SLC28A1: variants seen among roughly 807,000 people sequenced by gnomAD.
SLC28A1 encodes solute carrier family 28 member 1, also known as sodium/nucleoside cotransporter 1.
A neutral mutation model predicts 74.8 loss-of-function variants in SLC28A1; 64 were observed. That is an observed-to-expected ratio of 0.86 (90% confidence interval 0.70 to 1.05). SLC28A1 has a LOEUF of 1.05. Among genes scored for constraint, SLC28A1 ranks in the 50% least tolerant of loss-of-function variants. SLC28A1 has a pLI of 0.00. For synonymous variants in SLC28A1, 359 were observed against 335.0 expected (o/e 1.07, Z -0.78); for missense variants, 828 against 822.8 (o/e 1.01, Z -0.08).
chr15:84,955,449 A>G, the SLC28A1 span, among the ~76,000 whole-genome samples: 2 of 152,340 alleles, frequency 1.3e-5, no homozygotes, highest in East Asian at 3.9e-4. Context: ...GTAAAGTAGC[A>G]AAGTCATGAT....
chr15:84,904,681 A>C (rs960043668), intron 7 of SLC28A1, among the ~76,000 whole-genome samples: 1 of 152,194 alleles, frequency 6.6e-6, no homozygotes, highest in Non-Finnish European at 1.5e-5. Context: ...ACTTGCCAGA[A>C]ATGTAACTTC....
the SLC28A1 span, among the ~76,000 whole-genome samples, chr15:84,966,897 G>C: frequency 2.0e-5 from 3 of 152,108 alleles, no homozygotes; most frequent in African/African-American, 7.2e-5. Context: ...TCAACCTCTT[G>C]AGCACCTGGG....
intron 5 of SLC28A1, among the ~76,000 whole-genome samples, chr15:84,893,543 C>A (rs1253344992): frequency 6.9e-6 from 1 of 145,626 alleles, no homozygotes; most frequent in Non-Finnish European, 1.5e-5. Context: ...TTTGGAACCT[C>A]CCTTCATCCC....
chr15:84,913,854 A>ATTCG (rs1555449396), intron 9 of SLC28A1, among the ~76,000 whole-genome samples: 2 of 48,418 alleles, frequency 4.1e-5, no homozygotes, highest in East Asian at 2.1e-3. Flanking sequence ...GCAAGGTTGA[A>ATTCG]TTCTGTTGAG....
intron 6 of SLC28A1, among the ~76,000 whole-genome samples, chr15:84,898,440 G>A (rs554198239): frequency 1.6e-4 from 25 of 152,154 alleles, no homozygotes; most frequent in Non-Finnish European, 2.8e-4. Flanking sequence ...TTAGCCAGGC[G>A]TGGTGGCGGG....
intron 6 of SLC28A1, chr15:84,895,676 C>T: frequency 1.4e-6 from 2 of 1,409,796 alleles, no homozygotes; most frequent in South Asian, 1.6e-5. Flanking sequence ...AGACTTCCCG[C>T]CCAGCCCACC....
At chr15:84,961,913 A>G in the SLC28A1 span, among the ~76,000 whole-genome samples, 1 of 152,096 alleles carries the variant, frequency 6.6e-6, no homozygotes, top group African/African-American at 2.4e-5. Context: ...CCCTGTGCTC[A>G]TTTGGTTTAC....
At chr15:84,934,038 A>C (rs1288827405) in intron 13 of SLC28A1, among the ~76,000 whole-genome samples, 1 of 152,146 alleles carries the variant, frequency 6.6e-6, no homozygotes, top group Admixed American at 6.5e-5. Context: ...TTAATCCAAC[A>C]TTCAGGAATG....
At chr15:84,935,276 G>A (rs372756271) in intron 14 of SLC28A1, 45 bp from the exon 15 acceptor site, 1 of 1,612,412 alleles carries the variant, frequency 6.2e-7, no homozygotes, top group Non-Finnish European at 8.5e-7. Flanking sequence ...ACCTAGCAGA[G>A]CCCAGGCCCA....
At chr15:84,926,809 G>GGGGGGGT (rs1970575066) in intron 12 of SLC28A1, among the ~76,000 whole-genome samples, 1 of 140,898 alleles carries the variant, frequency 7.1e-6, no homozygotes, top group African/African-American at 2.6e-5. Flanking sequence ...GGGAGGGGGG[G>GGGGGGGT]GGTGGTGGTA....
Position 84,898,723 on chromosome 15 carries a change from G to A in SLC28A1, c.461+3600G>A, listed in dbSNP as rs371998183. On this transcript the variant is annotated intron_variant, in intron 6 of 18. Coordinates refer to ENST00000394573, the MANE Select transcript of SLC28A1 (RefSeq NM_004213.5). The stretch of plus-strand genomic sequence containing the variant: ...AGAGCTCTTAGATGTTGGACATCAG[G>A]CAATAAAGGACACTGATCCTTGAGG... Among the ~76,000 whole-genome samples the A allele has an allele frequency of 1.1e-3, 170 of 152,292 alleles. 1 individual carries two copies. Among genetic ancestry groups the A allele is most frequent in the African/African-American group, 3.9e-3 (162 of 41,554 alleles).
rs1045187003 is a variant in SLC28A1 at position 84,884,713 on chromosome 15, G to A, written c.-171G>A. 3 of 985,630 alleles carry A rather than the reference G, an allele frequency of 3.0e-6. No homozygotes were observed. Among genetic ancestry groups the A allele is most frequent in the African/African-American group, 3.5e-5 (2 of 57,254 alleles). The allele number at this position is 985,630 out of a possible 1,614,324, so 61.1% of individuals were successfully genotyped here. ...CTGCATGGTTGCTGCTGGATGTGTT[G>A]TGTTCCTGGCTTCCCTCTGGATGCT... On this transcript the variant is annotated 5_prime_UTR_variant, in exon 1 of 19. The change creates a new upstream start codon in the 5' untranslated region. Coordinates refer to ENST00000394573, the MANE Select transcript of SLC28A1 (RefSeq NM_004213.5).
intron 5 of SLC28A1, among the ~76,000 whole-genome samples, chr15:84,894,008 C>G (rs528403133): frequency 1.2e-4 from 19 of 152,282 alleles, no homozygotes; most frequent in Admixed American, 3.3e-4. Flanking sequence ...CGTGATGTTT[C>G]AGATCACATT....
chr15:84,946,057 TAC>T (rs1421751923), downstream of SLC28A1, among the ~76,000 whole-genome samples: 55 of 113,200 alleles, frequency 4.9e-4, no homozygotes, highest in African/African-American at 1.8e-3. Context: ...TATATATACA[TAC>T]ATATATATAT....
chr15:84,946,822 C>T (rs1485217595), downstream of SLC28A1, among the ~76,000 whole-genome samples: 1 of 152,122 alleles, frequency 6.6e-6, no homozygotes, highest in Admixed American at 6.5e-5. Flanking sequence ...ACCAGCATGC[C>T]CTCTCCATCT....
Position 84,911,875 on chromosome 15 carries a change from A to AAAG in SLC28A1, c.795+3095_795+3097dup, listed in dbSNP as rs1266037653. Among the ~76,000 whole-genome samples the AAAG allele has an allele frequency of 1.1e-3, 119 of 111,742 alleles. 1 individual carries two copies. Among genetic ancestry groups the AAAG allele is most frequent in the Non-Finnish European group, 1.5e-3 (81 of 54,982 alleles). The allele number at this position is 111,742 out of a possible 152,430, so 73.3% of individuals were successfully genotyped here. ...CTCCATCTCAAAAAAAAAAAAAAAA[A>AAAG]AAGAAGAAGAAGAAGAAAATAAAAA... On this transcript the variant is annotated intron_variant, in intron 9 of 18. Transcript: ENST00000394573.
chr15:84,907,597 C>T (rs1266443723), intron 8 of SLC28A1, among the ~76,000 whole-genome samples: 3 of 152,238 alleles, frequency 2.0e-5, no homozygotes, highest in East Asian at 1.9e-4. Context: ...CCTCGACCTC[C>T]TGGAATCAAG....
chr15:84,930,364 G>A (rs1037113482), intron 12 of SLC28A1, among the ~76,000 whole-genome samples: 8 of 152,222 alleles, frequency 5.3e-5, no homozygotes, highest in Admixed American at 5.2e-4. Context: ...TCCAGCAAGG[G>A]GCAGGGGCCC....
Position 84,908,586 on chromosome 15 carries a change from T to G in SLC28A1, c.718-132T>G, listed in dbSNP as rs573972730. 156 of 713,522 alleles carry G rather than the reference T, an allele frequency of 2.2e-4. 1 individual carries two copies. In the African/African-American group the frequency reaches 2.8e-3, roughly 13 times the overall value. 44.2% of individuals were successfully genotyped at this position (713,522 alleles called of 1,614,324 possible). A position where few individuals can be genotyped will look rare whatever the true frequency, so the allele number is the denominator to read the frequency against. On this transcript the variant is annotated intron_variant, in intron 8 of 18. Transcript: ENST00000394573. ...AGCTTTAACGCACCTTGCCAGGTGG[T>G]GCCCCCCCCCGGATAAGGGCCTGGG...
Sources: allele counts gnomAD v4.1 joint callset (sites outside exome capture counted in the v4.1 genomes callset), GRCh38; gene constraint gnomAD v4.1.1; transcripts MANE v1.5; gene names NCBI Gene and HGNC (gene_info 2026-07-23, HGNC 2026-07-21).